The following CRPPA variants were observed in gnomAD, a reference collection of about 807,000 sequenced individuals.
CRPPA encodes CDP-L-ribitol pyrophosphorylase A, also known as D-ribitol-5-phosphate cytidylyltransferase.
In CRPPA, 43 loss-of-function variants were observed where a neutral mutation model predicts 52.0. The observed-to-expected ratio is 0.83, with a 90% CI of 0.65 to 1.07. The LOEUF is 1.07. CRPPA is among the 50% of genes least tolerant of loss of function. The probability of loss-of-function intolerance (pLI) is 0.00; values close to 1 mark genes in which losing one functional copy is unlikely to be tolerated. For missense variants in CRPPA, 629 were observed against 551.7 expected (o/e 1.14, Z -1.40); for synonymous variants, 250 against 203.5 (o/e 1.23, Z -1.94).
At chr7:16,268,229 T>G (rs2128415246) in intron 6 of CRPPA, among the ~76,000 whole-genome samples, 1 of 151,876 alleles carries the variant, frequency 6.6e-6, no homozygotes, top group East Asian at 1.9e-4. Flanking sequence ...TTAAAAAGGT[T>G]CTCAACAACC....
At chr7:16,352,251 C>T (rs1786174654) in intron 3 of CRPPA, among the ~76,000 whole-genome samples, 1 of 151,740 alleles carries the variant, frequency 6.6e-6, no homozygotes, top group Admixed American at 6.6e-5. Context: ...ACATGACACA[C>T]CATGGCCTGT....
At chr7:16,363,463 T>C (rs1236548919) in intron 3 of CRPPA, among the ~76,000 whole-genome samples, 1 of 152,126 alleles carries the variant, frequency 6.6e-6, no homozygotes, top group African/African-American at 2.4e-5. Context: ...TTCAAACTAA[T>C]TCACATTAGA....
chr7:16,148,005 C>T (rs907750034), intron 9 of CRPPA, among the ~76,000 whole-genome samples: 1 of 152,034 alleles, frequency 6.6e-6, no homozygotes, highest in Non-Finnish European at 1.5e-5. Context: ...TCTTAATCAC[C>T]TCAAACTATA....
chr7:16,334,026 G>C (rs1376087132), intron 3 of CRPPA, among the ~76,000 whole-genome samples: 2 of 151,924 alleles, frequency 1.3e-5, no homozygotes, highest in Admixed American at 1.3e-4. Context: ...AAAAACATTG[G>C]GAGTACCAAC....
Position 16,218,896 on chromosome 7 carries a change from C to T in CRPPA, c.1120-2699G>A, listed in dbSNP as rs1390157851. ...TAGACAGATCAACGAGACAGAAAGT[C>T]AACAAGGATACTCAGGAATTGAACT... On this transcript the variant is annotated intron_variant, in intron 8 of 9. Coordinates refer to ENST00000407010, the MANE Select transcript of CRPPA (RefSeq NM_001101426.4). Among the ~76,000 whole-genome samples, 168 of 151,628 alleles carry T rather than the reference C, an allele frequency of 1.1e-3. 1 individual carries two copies. Among genetic ancestry groups the T allele is most frequent in the Non-Finnish European group, 1.9e-3 (132 of 67,880 alleles).
chr7:16,339,226 A>G (rs1306668222), intron 3 of CRPPA, among the ~76,000 whole-genome samples: 1 of 152,262 alleles, frequency 6.6e-6, no homozygotes, highest in Admixed American at 6.5e-5. Flanking sequence ...TTCCAAAAAC[A>G]AAAAAAGACA....
chr7:16,189,076 G>T (rs1781557907), intron 9 of CRPPA, among the ~76,000 whole-genome samples: 1 of 152,006 alleles, frequency 6.6e-6, no homozygotes, highest in South Asian at 2.1e-4. Flanking sequence ...GAAGACTCTG[G>T]TAGATATAAA....
At chr7:16,234,913 C>G (rs1782903796) in intron 8 of CRPPA, among the ~76,000 whole-genome samples, 1 of 151,986 alleles carries the variant, frequency 6.6e-6, no homozygotes, top group South Asian at 2.1e-4. Flanking sequence ...AAAACTCATG[C>G]AGGAAACACA....
intron 3 of CRPPA, among the ~76,000 whole-genome samples, chr7:16,359,950 A>G (rs771547262): frequency 4.6e-5 from 7 of 152,206 alleles, no homozygotes; most frequent in Non-Finnish European, 1.0e-4. Flanking sequence ...GAAGGAAGTA[A>G]CAACTCTATT....
chr7:16,182,802 C>G (rs1279125066), intron 9 of CRPPA, among the ~76,000 whole-genome samples: 2 of 152,096 alleles, frequency 1.3e-5, no homozygotes, highest in African/African-American at 2.4e-5. Flanking sequence ...ATCATCTTAC[C>G]TTTTTGGATT....
At chr7:16,242,329 T>G (rs918446472) in intron 8 of CRPPA, among the ~76,000 whole-genome samples, 2 of 152,156 alleles carry the variant, frequency 1.3e-5, no homozygotes, top group Non-Finnish European at 2.9e-5. Flanking sequence ...ACACATTTAC[T>G]ATATTACTTC....
rs1326711286 is a variant in CRPPA at position 16,221,012 on chromosome 7, G to A, written c.1120-4815C>T. 5.9e-5 allele frequency among the ~76,000 whole-genome samples: 9 copies of A among 152,182 alleles called. 1 individual carries two copies. The South Asian group carries it at 1.9e-3, about 32-fold the overall frequency. ...GGCAATCCTAAGCCAAAAGAACAAA[G>A]CTGGAGGCATCACACTACCTGACTT... On this transcript the variant is annotated intron_variant, in intron 8 of 9. Transcript: ENST00000407010.
At chr7:16,234,309 G>A (rs1035252301) in intron 8 of CRPPA, among the ~76,000 whole-genome samples, 1 of 152,010 alleles carries the variant, frequency 6.6e-6, no homozygotes, top group Non-Finnish European at 1.5e-5. Flanking sequence ...ATACTTCAAA[G>A]GTTAATACTA....
At chr7:16,385,318 T>C (rs1583566658) in intron 2 of CRPPA, among the ~76,000 whole-genome samples, 1 of 151,790 alleles carries the variant, frequency 6.6e-6, no homozygotes, top group South Asian at 2.1e-4. Flanking sequence ...GAAGTCCAAG[T>C]AGAAAAATCA....
Position 16,389,913 on chromosome 7 carries a change from C to CAAAAAA in CRPPA, c.535-13678_535-13673dup, listed in dbSNP as rs1163092089. On this transcript the variant is annotated intron_variant, in intron 2 of 9. Coordinates refer to ENST00000407010, the MANE Select transcript of CRPPA (RefSeq NM_001101426.4). ...GGATACAGAGAACAAGCCTAGTATA[C>CAAAAAA]AAAAAAAAAAAAAAAATATATATAT... Among the ~76,000 whole-genome samples, 10 of 34,302 alleles carry CAAAAAA rather than the reference C, an allele frequency of 2.9e-4. 1 individual carries two copies. Among genetic ancestry groups the CAAAAAA allele is most frequent in the African/African-American group, 1.8e-3 (8 of 4,524 alleles). The allele number at this position is 34,302 out of a possible 152,430, so 22.5% of individuals were successfully genotyped here.
At chr7:16,153,515 G>T (rs547724501) in intron 9 of CRPPA, among the ~76,000 whole-genome samples, 2 of 152,010 alleles carry the variant, frequency 1.3e-5, no homozygotes, top group African/African-American at 2.4e-5. Context: ...TAATTCAAAA[G>T]CTTGAACTAA....
intron 5 of CRPPA, among the ~76,000 whole-genome samples, chr7:16,285,003 T>C (rs1284190251): frequency 1.3e-5 from 2 of 152,136 alleles, no homozygotes; most frequent in Non-Finnish European, 2.9e-5. Context: ...ACACAAAATA[T>C]TTAAAATTAA....
At chr7:16,405,503 C>A (rs1787931120) in intron 2 of CRPPA, among the ~76,000 whole-genome samples, 1 of 151,966 alleles carries the variant, frequency 6.6e-6, no homozygotes, top group Non-Finnish European at 1.5e-5. Flanking sequence ...TATCTATTAC[C>A]ATATTTATAT....
chr7:16,364,005 A>G (rs755598695), intron 3 of CRPPA, among the ~76,000 whole-genome samples: 2 of 152,208 alleles, frequency 1.3e-5, no homozygotes, highest in African/African-American at 2.4e-5. Context: ...AAATCCTTCA[A>G]AGAATGTAAC....
Sources: gnomAD v4.1 joint callset for allele counts (sites outside exome capture counted in the v4.1 genomes callset) on GRCh38, gnomAD v4.1.1 for gene constraint, MANE v1.5 for transcripts, NCBI Gene and HGNC (gene_info 2026-07-23, HGNC 2026-07-21) for gene names.